The following STARD4 variants were observed in gnomAD, a reference collection of about 807,000 sequenced individuals.
STARD4 encodes stAR-related lipid transfer protein 4.
A neutral mutation model predicts 24.9 loss-of-function variants in STARD4; 33 were observed. The ratio of observed to expected loss-of-function variants is 1.32; its 90% CI spans 1.00 to 1.77. The LOEUF (loss-of-function observed/expected upper bound fraction) is 1.77. STARD4 is among the 40% of genes most tolerant of loss of function. The pLI is 0.00. For synonymous variants in STARD4, 88 were observed against 77.4 expected (o/e 1.14, Z -0.72); for missense variants, 238 against 249.3 (o/e 0.95, Z 0.31).
intron 3 of STARD4, among the ~76,000 whole-genome samples, chr5:111,503,009 C>T (rs549624097): frequency 1.2e-3 from 190 of 152,196 alleles, no homozygotes; most frequent in Non-Finnish European, 2.3e-3. Context: ...TTATAGAATG[C>T]CATAAGGTTT....
rs759013101 is a variant in STARD4, at chr5:111,506,397, T to C, written c.106-18A>G. 11 of 1,325,294 alleles carry C rather than the reference T, an allele frequency of 8.3e-6. No individual in the cohort carries two copies. Among genetic ancestry groups the C allele is most frequent in the Middle Eastern group, 1.9e-4 (1 of 5,218 alleles). The allele number at this position is 1,325,294 out of a possible 1,614,324, so 82.1% of individuals were successfully genotyped here. A position where few individuals can be genotyped will look rare whatever the true frequency, so the allele number is the denominator to read the frequency against. ...ACATCTTTCTAGAAAAATAAAAACA[T>C]TATATGGTAATAATTGCATAGGTGG... On this transcript the variant is annotated intron_variant, in intron 2 of 5. Coordinates refer to ENST00000296632, the MANE Select transcript of STARD4 (RefSeq NM_139164.3).
At chr5:111,502,493 TA>T (rs1048100989) in intron 3 of STARD4, among the ~76,000 whole-genome samples, 1 of 147,558 alleles carries the variant, frequency 6.8e-6, no homozygotes, top group African/African-American at 2.5e-5. Context: ...AATAAAAGAA[TA>T]AAAATTAGTG....
chr5:111,496,270 A>AATT lies in STARD4; in HGVS notation c.*3613_*3615dup, dbSNP rs2112529037. ...GTAAAATCCGTAAAAACAATACAAT[A>AATT]ATTTAAAAATTATAGTTCCAACTTC... On this transcript the variant is annotated 3_prime_UTR_variant, in exon 6 of 6. Transcript: ENST00000296632. The AATT allele has an allele frequency of 6.6e-6, 1 of 152,250 alleles. No individual in the cohort carries two copies. Among genetic ancestry groups the AATT allele is most frequent in the African/African-American group, 2.4e-5 (1 of 41,574 alleles). 9.4% of individuals were successfully genotyped at this position (152,250 alleles called of 1,614,324 possible). A position where few individuals can be genotyped will look rare whatever the true frequency, so the allele number is the denominator to read the frequency against.
At position 111,496,617 on chromosome 5, in the gene STARD4, G is replaced by C. The variant is rs1417766929; in HGVS notation, c.*3269C>G. ...CCTAAAAGCTCAACAGACAATTAAG[G>C]GCTTAAATTATACAATGTTTTCCCA... On this transcript the variant is annotated 3_prime_UTR_variant, in exon 6 of 6. Coordinates refer to ENST00000296632, the MANE Select transcript of STARD4 (RefSeq NM_139164.3). 6.6e-6 allele frequency: 1 copy of C among 151,988 alleles called. No homozygotes were observed. The highest frequency in any genetic ancestry group is 1.5e-5 in the Non-Finnish European group (1 of 67,962). The allele number at this position is 151,988 out of a possible 1,614,324, so 9.4% of individuals were successfully genotyped here.
chr5:111,501,818 C>T, intron 4 of STARD4, 144 bp downstream of exon 4: 1 of 1,141,284 alleles, frequency 8.8e-7, no homozygotes, highest in South Asian at 1.6e-5. Context: ...CATGGGACTC[C>T]CCTGTGATAT....
At chr5:111,508,278 A>G (rs1008002535) in intron 1 of STARD4, among the ~76,000 whole-genome samples, 3 of 152,118 alleles carry the variant, frequency 2.0e-5, no homozygotes, top group African/African-American at 4.8e-5. Flanking sequence ...ATTCCTAACT[A>G]ATAGCATAGA....
At chr5:111,504,974 G>C (rs1434914046) in intron 3 of STARD4, 1 of 452,404 alleles carries the variant, frequency 2.2e-6, no homozygotes, top group Non-Finnish European at 4.4e-6. Context: ...TGCGGCCTCA[G>C]TTACAGCACT....
At chr5:111,508,392 ACTTG>A (rs1229225874) in intron 1 of STARD4, among the ~76,000 whole-genome samples, 3 of 152,008 alleles carry the variant, frequency 2.0e-5, no homozygotes, top group Admixed American at 2.0e-4. Context: ...AACAAGAATT[ACTTG>A]GTCTTTGTCT....
intron 1 of STARD4, among the ~76,000 whole-genome samples, chr5:111,508,603 A>C (rs561432566): frequency 2.0e-5 from 3 of 152,192 alleles, no homozygotes; most frequent in Non-Finnish European, 1.5e-5. Context: ...AAATGAAATC[A>C]CCCTCTATGG....
chr5:111,501,415 C>G (rs1411587301), intron 4 of STARD4, among the ~76,000 whole-genome samples: 1 of 152,200 alleles, frequency 6.6e-6, no homozygotes, highest in Non-Finnish European at 1.5e-5. Flanking sequence ...GGGATGTAGA[C>G]TGTTTCAGTG....
At chr5:111,510,501 C>CT (rs1408868820) in intron 1 of STARD4, among the ~76,000 whole-genome samples, 2 of 152,188 alleles carry the variant, frequency 1.3e-5, no homozygotes, top group Admixed American at 1.3e-4. Context: ...TTATCCAACT[C>CT]TAACATTTAC....
intron 3 of STARD4, among the ~76,000 whole-genome samples, chr5:111,503,644 AAACACAT>A (rs1756635539): frequency 6.6e-6 from 1 of 152,176 alleles, no homozygotes; most frequent in South Asian, 2.1e-4. Context: ...ACAAACAAAA[AAACACAT>A]AAAAGGAAAA....
rs577945322 is a variant in STARD4, at chr5:111,507,633, G to C, written c.-9-191C>G. Among the ~76,000 whole-genome samples, 1 of 152,234 alleles carries C rather than the reference G, an allele frequency of 6.6e-6. No individual in the cohort carries two copies. Among genetic ancestry groups the C allele is most frequent in the South Asian group, 2.1e-4 (1 of 4,824 alleles). ...ATAGTTTTTTTCTAATTGCTCCCAA[G>C]ATGAATAACCCATAGCCAGAGGTGA... On this transcript the variant is annotated intron_variant, in intron 1 of 5. Coordinates refer to ENST00000296632, the MANE Select transcript of STARD4 (RefSeq NM_139164.3). This position sits in a 1 kb window ranked among gnomAD's most constrained non-coding sequence, Gnocchi z 4.4.
chr5:111,500,254 A>T (rs1045407260), intron 5 of STARD4, 148 bp from the exon 6 acceptor site: 1 of 1,357,162 alleles, frequency 7.4e-7, no homozygotes. Flanking sequence ...GGCAGAGTGA[A>T]AAAGAGACTT....
At position 111,496,159 on chromosome 5, in the gene STARD4, G is replaced by T. The variant is rs1038126530; in HGVS notation, c.*3727C>A. ...TAGTTTTACATATTGGTTCACAAAA[G>T]AATTATATAAACTTCTTAAAAATAA... On this transcript the variant is annotated 3_prime_UTR_variant, in exon 6 of 6. Coordinates refer to ENST00000296632, the MANE Select transcript of STARD4 (RefSeq NM_139164.3). 6.6e-6 allele frequency: 1 copy of T among 151,724 alleles called. No individual in the cohort carries two copies. The highest frequency in any genetic ancestry group is 1.5e-5 in the Non-Finnish European group (1 of 67,898). 9.4% of individuals were successfully genotyped at this position (151,724 alleles called of 1,614,324 possible).
intron 1 of STARD4, among the ~76,000 whole-genome samples, chr5:111,510,061 T>C (rs1757136694): frequency 6.6e-6 from 1 of 151,730 alleles, no homozygotes; most frequent in South Asian, 2.1e-4. Context: ...CAGTGGGAGG[T>C]AGGAAAGGAA....
chr5:111,508,032 T>C (rs1028035754), intron 1 of STARD4, among the ~76,000 whole-genome samples: 1 of 152,192 alleles, frequency 6.6e-6, no homozygotes, highest in Non-Finnish European at 1.5e-5. Context: ...ACACTGGTTT[T>C]CTTTCTGTCC....
chr5:111,501,423 G>T (rs1183476154), intron 4 of STARD4, among the ~76,000 whole-genome samples: 2 of 152,172 alleles, frequency 1.3e-5, no homozygotes, highest in Non-Finnish European at 2.9e-5. Flanking sequence ...GACTGTTTCA[G>T]TGTTTAAGAT....
chr5:111,499,751 A>T lies in STARD4; in HGVS notation c.*135T>A. ...CTATTTACTTTAGGAATAAAACCAA[A>T]CATTGTACTAGTGAACCAAAAACAT... is the stretch of plus-strand genomic sequence containing the variant. On this transcript the variant is annotated 3_prime_UTR_variant, in exon 6 of 6. Transcript: ENST00000296632. The T allele has an allele frequency of 1.3e-6, 1 of 761,940 alleles. No individual in the cohort carries two copies. The highest frequency in any genetic ancestry group is 2.1e-6 in the Non-Finnish European group (1 of 475,820). The allele number at this position is 761,940 out of a possible 1,614,324, so 47.2% of individuals were successfully genotyped here. A position where few individuals can be genotyped will look rare whatever the true frequency, so the allele number is the denominator to read the frequency against.
Sources: allele counts gnomAD v4.1 joint callset (sites outside exome capture counted in the v4.1 genomes callset), GRCh38; gene constraint gnomAD v4.1.1; non-coding constraint Gnocchi (gnomAD v3.1); transcripts MANE v1.5; gene names NCBI Gene and HGNC (gene_info 2026-07-23, HGNC 2026-07-21).